LEMD2: variants seen among roughly 807,000 people sequenced by gnomAD.
LEMD2 encodes LEM domain nuclear envelope protein 2.
Under a neutral mutation model 58.8 loss-of-function variants are expected in LEMD2, and 34 were observed. That is an observed-to-expected ratio of 0.58 (90% CI 0.44 to 0.77). The LOEUF is 0.77. Among genes scored for constraint, LEMD2 ranks in the 30% least tolerant of loss-of-function variants. The probability of loss-of-function intolerance (pLI) is 0.00; values close to 1 mark genes in which losing one functional copy is unlikely to be tolerated. For synonymous variants in LEMD2, 298 were observed against 308.9 expected (o/e 0.96, Z 0.37); for missense variants, 629 against 717.9 (o/e 0.88, Z 1.42).
rs1325613106 is a variant in LEMD2, at chr6:33,784,373, T to G, written c.832A>C (p.Asn278His). Residue 278 changes from asparagine (N) to histidine (H), a missense_variant, in exon 3 of 9, where the codon AAT becomes CAT. Asn to His is a moderately conservative substitution (Grantham distance 68). Around this residue, in one of 2 missense-constraint regions of LEMD2, gnomAD observed 243 missense variants for 336.8 expected, o/e 0.72. Coordinates refer to ENST00000293760, the MANE Select transcript of LEMD2 (RefSeq NM_181336.4). ...ALLELLHELYNFLAIQAGNFE... is the reference protein window; with the variant it reads ...ALLELLHELYHFLAIQAGNFE... ...TCACCAGCTTGGATGGCCAGGAAAT[T>G]GTAGAGTTCATGCAGCAGCTCCAGC... 2 of 1,607,792 alleles carry G rather than the reference T, an allele frequency of 1.2e-6. No homozygotes were observed. The highest frequency in any genetic ancestry group is 1.4e-5 in the African/African-American group (1 of 73,130).
At chr6:33,773,982 G>A (rs950219457) in intron 8 of LEMD2, among the ~76,000 whole-genome samples, 4 of 152,160 alleles carry the variant, frequency 2.6e-5, no homozygotes, top group Admixed American at 6.5e-5. Context: ...CCTGAGGGCC[G>A]GCTACCTGAG....
In LEMD2 at chr6:33,780,251, A is replaced by G. The variant is rs1324506033; in HGVS notation, c.931-72T>C. ...AGCTGGAACATTATTCTGCTGCTGG[A>G]TTAAGGAAGCCCTCTCCCGTGTCCT... On this transcript the variant is annotated intron_variant, in intron 4 of 8. Coordinates refer to ENST00000293760, the MANE Select transcript of LEMD2 (RefSeq NM_181336.4). The G allele has an allele frequency of 2.3e-6, 3 of 1,318,536 alleles. No homozygotes were observed. In the African/African-American group the frequency reaches 4.4e-5, roughly 19 times the overall value. The allele number at this position is 1,318,536 out of a possible 1,614,324, so 81.7% of individuals were successfully genotyped here. A position where few individuals can be genotyped will look rare whatever the true frequency, so the allele number is the denominator to read the frequency against.
chr6:33,782,802 C>T (rs938248963), intron 3 of LEMD2, among the ~76,000 whole-genome samples: 2 of 152,226 alleles, frequency 1.3e-5, no homozygotes, highest in Admixed American at 6.5e-5. Flanking sequence ...GCCCAGCCCA[C>T]AGCGGATCCC....
Position 33,772,790 on chromosome 6 carries a change from G to C in LEMD2, c.1362-12C>G. The C allele has an allele frequency of 6.2e-7, 1 of 1,611,700 alleles. No individual in the cohort carries two copies. Among genetic ancestry groups the C allele is most frequent in the South Asian group, 1.1e-5 (1 of 90,700 alleles). On this transcript the variant is annotated splice_polypyrimidine_tract_variant and intron_variant, in intron 8 of 8. Coordinates refer to ENST00000293760, the MANE Select transcript of LEMD2 (RefSeq NM_181336.4). ...GCTTCATGCGCCTCCTGCAATGAGAGGGACGGGGCTCTGCCTGGCACTGCC... is the reference window on the plus strand; with the variant it reads ...GCTTCATGCGCCTCCTGCAATGAGACGGACGGGGCTCTGCCTGGCACTGCC...
At position 33,778,040 on chromosome 6, in the gene LEMD2, C is replaced by T. The variant is rs557775729; in HGVS notation, c.1156+202G>A. ...CAAGGACATTTTCTAGTTATCCTCA[C>T]GGATTCCTGCCACCAATCTCCAAAG... On this transcript the variant is annotated intron_variant, in intron 6 of 8. Transcript: ENST00000293760. This position sits in a 1 kb window ranked among gnomAD's most constrained non-coding sequence, Gnocchi z 4.7. 2.0e-5 allele frequency among the ~76,000 whole-genome samples: 3 copies of T among 152,358 alleles called. No homozygotes were observed. Among genetic ancestry groups the T allele is most frequent in the South Asian group, 4.1e-4 (2 of 4,828 alleles).
intron 5 of LEMD2, chr6:33,779,885 T>G: frequency 2.0e-6 from 1 of 508,228 alleles, no homozygotes; most frequent in Non-Finnish European, 3.5e-6. Flanking sequence ...AACACCTGGA[T>G]TTTGTGTCTC....
rs761610607 is a variant in LEMD2, at chr6:33,788,999, C to T, written c.118G>A (p.Gly40Ser). The T allele has an allele frequency of 1.9e-6, 3 of 1,551,282 alleles. No homozygotes were observed. Among genetic ancestry groups the T allele is most frequent in the Non-Finnish European group, 2.6e-6 (3 of 1,156,010 alleles). Reference protein sequence around the residue: ...VYRNKLRRLRGEARLRDEERL... With the variant: ...VYRNKLRRLRSEARLRDEERL... ...TCCTCGTCGCGCAGCCGGGCCTCGC[C>T]CCGCAGGCGGCGCAGCTTGTTGCGG... The change falls in exon 1 of 9, where the codon GGC becomes AGC. Residue 40 changes from glycine to serine, a missense_variant. This residue lies in a region of LEMD2 where 386 missense variants were observed against 381.1 expected (regional missense o/e 1.01). Coordinates refer to ENST00000293760, the MANE Select transcript of LEMD2 (RefSeq NM_181336.4).
rs1412692560 is a variant in LEMD2, at chr6:33,780,942, C to G, written c.930+135G>C. 4.8e-6 allele frequency: 3 copies of G among 631,426 alleles called. No individual in the cohort carries two copies. In the African/African-American group the frequency reaches 5.5e-5, roughly 12 times the overall value. The allele number at this position is 631,426 out of a possible 1,614,324, so 39.1% of individuals were successfully genotyped here. ...GTAGTCTAGCACAAAAAGCCATAAA[C>G]CAAACCTTAACTTAAGGTAGCCTAG... On this transcript the variant is annotated intron_variant, in intron 4 of 8. Transcript: ENST00000293760.
Position 33,781,063 on chromosome 6 carries a change from TGAA to T in LEMD2, c.930+11_930+13del. The T allele has an allele frequency of 2.5e-6, 4 of 1,589,864 alleles. No individual in the cohort carries two copies. Among genetic ancestry groups the T allele is most frequent in the Non-Finnish European group, 3.5e-6 (4 of 1,158,372 alleles). ...GGCCCTCCCAGGAATGTATAAGCAC[TGAA>T]GCCTACTTACGGCTATATATTCTTG... On this transcript the variant is annotated intron_variant, in intron 4 of 8. Coordinates refer to ENST00000293760, the MANE Select transcript of LEMD2 (RefSeq NM_181336.4).
chr6:33,776,525 A>G, intron 8 of LEMD2: 1 of 212,980 alleles, frequency 4.7e-6, no homozygotes, highest in Non-Finnish European at 9.8e-6. Flanking sequence ...GATAACATCC[A>G]TGGAGGAGTG....
chr6:33,775,908 CCAG>C (rs1274931484), intron 8 of LEMD2, among the ~76,000 whole-genome samples: 19 of 152,202 alleles, frequency 1.2e-4, no homozygotes, highest in Admixed American at 7.2e-4. Context: ...TCAGCATCAC[CCAG>C]CAGATGACAG....
At chr6:33,784,262 G>A in intron 3 of LEMD2, 90 bp downstream of exon 3, 1 of 1,017,228 alleles carries the variant, frequency 9.8e-7, no homozygotes, top group Middle Eastern at 2.3e-4. Context: ...TGTCTCGCTG[G>A]CCAGCAGCAG....
intron 1 of LEMD2, among the ~76,000 whole-genome samples, chr6:33,787,862 G>A (rs1350787665): frequency 1.3e-5 from 2 of 152,246 alleles, no homozygotes; most frequent in Non-Finnish European, 2.9e-5. Context: ...AAGGCTGGTA[G>A]ATTCTCCTGT....
At chr6:33,785,896 G>C (rs2395402) in intron 2 of LEMD2, among the ~76,000 whole-genome samples, 4 of 152,084 alleles carry the variant, frequency 2.6e-5, no homozygotes, top group Middle Eastern at 3.2e-3. Flanking sequence ...AATAAAAGCC[G>C]TTATCTGCAC....
chr6:33,777,082 G>A (rs1582253999), intron 7 of LEMD2, 26 bp from the exon 8 acceptor site: 1 of 1,611,584 alleles, frequency 6.2e-7, no homozygotes. Flanking sequence ...CACCATTTAG[G>A]GCAAGGACCC....
chr6:33,776,663 G>A, intron 8 of LEMD2: 2 of 438,762 alleles, frequency 4.6e-6, no homozygotes, highest in Non-Finnish European at 8.5e-6. Flanking sequence ...CCCTGGGGGA[G>A]GGAGCTGCTA....
chr6:33,780,055 T>G (rs1215978284), intron 5 of LEMD2, 45 bp downstream of exon 5: 2 of 1,480,658 alleles, frequency 1.4e-6, no homozygotes, highest in Non-Finnish European at 9.3e-7. Context: ...GCGAGGACAG[T>G]GGTTGCAGGC....
Position 33,772,597 on chromosome 6 carries a change from G to C in LEMD2, c.*31C>G. ...CTCTGGAGTGGGCTGTCCTGGGACA[G>C]GCTGACCGGGAACAAGTCCCCGCCC... On this transcript the variant is annotated 3_prime_UTR_variant, in exon 9 of 9. Coordinates refer to ENST00000293760, the MANE Select transcript of LEMD2 (RefSeq NM_181336.4). 6.2e-7 allele frequency: 1 copy of C among 1,601,890 alleles called. No individual in the cohort carries two copies. Among genetic ancestry groups the C allele is most frequent in the South Asian group, 1.1e-5 (1 of 88,754 alleles).
At position 33,777,197 on chromosome 6, in the gene LEMD2, C is replaced by T. The variant is rs202022937; in HGVS notation, c.1199G>A (p.Arg400Gln). 21 of 1,614,148 alleles carry T rather than the reference C, an allele frequency of 1.3e-5. No homozygotes were observed. The highest frequency in any genetic ancestry group is 1.7e-5 in the Non-Finnish European group (20 of 1,180,028). The change falls in exon 7 of 9, where the codon CGG becomes CAG. Residue 400 changes from arginine to glutamine, a missense_variant. Transcript: ENST00000293760. Reference sequence around the variant, plus strand: ...TTCCTCCTCTTCTAACTTTCGCCACCGATATTTTAGGAGAATTAGGAGCCC... The same window carrying T: ...TTCCTCCTCTTCTAACTTTCGCCACTGATATTTTAGGAGAATTAGGAGCCC... ...LWGLLILLKY[R>Q]WRKLEEEEQA...
Sources: allele counts gnomAD v4.1 joint callset (sites outside exome capture counted in the v4.1 genomes callset), GRCh38; gene constraint gnomAD v4.1.1; regional missense constraint gnomAD v4.1.1; non-coding constraint Gnocchi (gnomAD v3.1); transcripts MANE v1.5; gene names NCBI Gene and HGNC (gene_info 2026-07-23, HGNC 2026-07-21).